Variants in TBC1D22A observed in about 807,000 individuals in gnomAD.
The protein encoded by TBC1D22A is TBC1 domain family member 22A, also known as putative GTPase activator.
In TBC1D22A, 38 loss-of-function variants were observed where a neutral mutation model predicts 60.2. That is an observed-to-expected ratio of 0.63 (90% CI 0.49 to 0.83). The LOEUF (loss-of-function observed/expected upper bound fraction) is 0.83, where lower values mean the gene tolerates loss of function less well. Ranked by LOEUF, TBC1D22A falls within the 40% of genes least tolerant of loss-of-function variation. TBC1D22A has a pLI of 0.00. For missense variants in TBC1D22A, 628 were observed against 701.0 expected (o/e 0.90, Z 1.18); for synonymous variants, 302 against 281.7 (o/e 1.07, Z -0.72).
At position 47,028,165 on chromosome 22, in the gene TBC1D22A, T is replaced by A. The variant is rs1189123027; in HGVS notation, c.1202-8906T>A. On this transcript the variant is annotated intron_variant, in intron 10 of 12. Transcript: ENST00000337137. The surrounding 1 kb of genome is among the most constrained non-coding windows in gnomAD (Gnocchi z 4.4). ...GCTCTAGAAGAAGTTGTATTTTAGA[T>A]TATGTTACTGTCAAAAAAATAGACC... Among the ~76,000 whole-genome samples the A allele has an allele frequency of 6.6e-6, 1 of 152,202 alleles. No homozygotes were observed. Among genetic ancestry groups the A allele is most frequent in the African/African-American group, 2.4e-5 (1 of 41,446 alleles).
chr22:46,907,325 T>G (rs773048816), intron 7 of TBC1D22A, among the ~76,000 whole-genome samples: 1 of 152,220 alleles, frequency 6.6e-6, no homozygotes, highest in Non-Finnish European at 1.5e-5. Context: ...CCTTCCTCTC[T>G]GTGCATTTTT....
At chr22:47,044,937 C>T (rs1165831093) in intron 11 of TBC1D22A, among the ~76,000 whole-genome samples, 12 of 152,218 alleles carry the variant, frequency 7.9e-5, no homozygotes, top group African/African-American at 2.2e-4. Flanking sequence ...GCAGGCCTGG[C>T]GTGCTCCAGC....
intron 11 of TBC1D22A, among the ~76,000 whole-genome samples, chr22:47,104,407 A>G (rs2065542380): frequency 1.3e-5 from 2 of 152,084 alleles, no homozygotes; most frequent in Non-Finnish European, 2.9e-5. Flanking sequence ...TAAAGATTCA[A>G]TAGATGGCCA....
At chr22:47,004,316 TACAC>T (rs920583556) in intron 10 of TBC1D22A, among the ~76,000 whole-genome samples, 1 of 146,840 alleles carries the variant, frequency 6.8e-6, no homozygotes, top group Non-Finnish European at 1.5e-5. Flanking sequence ...CAACCCCTCA[TACAC>T]ACACCCCTAT....
rs994861496 is a variant in TBC1D22A, at chr22:47,009,398, T to G, written c.1201+11689T>G. On this transcript the variant is annotated intron_variant, in intron 10 of 12. Transcript: ENST00000337137. The surrounding 1 kb of genome is among the most constrained non-coding windows in gnomAD (Gnocchi z 5.8). Reference sequence around the variant, plus strand: ...TCATTTCATCACCATCACCATCATTTCCATCATCACCATCATTGTGTCATC... The same window carrying G: ...TCATTTCATCACCATCACCATCATTGCCATCATCACCATCATTGTGTCATC... Among the ~76,000 whole-genome samples, 4 of 148,174 alleles carry G rather than the reference T, an allele frequency of 2.7e-5. No individual in the cohort carries two copies. The highest frequency in any genetic ancestry group is 1.0e-4 in the African/African-American group (4 of 39,876).
chr22:46,816,923 A>C (rs2085626460), intron 4 of TBC1D22A, among the ~76,000 whole-genome samples: 1 of 152,300 alleles, frequency 6.6e-6, no homozygotes, highest in Admixed American at 6.5e-5. Flanking sequence ...TTCCCTAATT[A>C]TCAGATCTTA....
intron 5 of TBC1D22A, among the ~76,000 whole-genome samples, chr22:46,884,367 G>T (rs931418586): frequency 1.3e-5 from 2 of 152,182 alleles, no homozygotes; most frequent in African/African-American, 4.8e-5. Flanking sequence ...TCATTCTGTG[G>T]AGAGGGCTTA....
At chr22:46,986,255 A>G (rs2074718334) in intron 9 of TBC1D22A, among the ~76,000 whole-genome samples, 2 of 152,222 alleles carry the variant, frequency 1.3e-5, no homozygotes, top group African/African-American at 2.4e-5. Flanking sequence ...TTGACGTACA[A>G]ATGGATCTTA....
chr22:46,849,216 C>G (rs900708369), intron 4 of TBC1D22A, among the ~76,000 whole-genome samples: 9 of 152,220 alleles, frequency 5.9e-5, no homozygotes, highest in Admixed American at 1.3e-4. Context: ...TGACCTGGCC[C>G]TGGCTGCTGG....
chr22:47,060,323 C>T (rs2063528306), intron 11 of TBC1D22A, among the ~76,000 whole-genome samples: 1 of 151,024 alleles, frequency 6.6e-6, no homozygotes, highest in Admixed American at 6.6e-5. Flanking sequence ...CTCACTGCAA[C>T]CTCTGCCTCC....
At chr22:47,118,387 G>A (rs2066145472) in intron 12 of TBC1D22A, among the ~76,000 whole-genome samples, 1 of 152,158 alleles carries the variant, frequency 6.6e-6, no homozygotes, top group South Asian at 2.1e-4. Flanking sequence ...CCAAGCATTT[G>A]GATGTTAAAG....
chr22:47,031,423 A>C (rs1025745401), intron 10 of TBC1D22A, among the ~76,000 whole-genome samples: 5 of 152,210 alleles, frequency 3.3e-5, no homozygotes, highest in Non-Finnish European at 5.9e-5. Context: ...TTAAGGAACC[A>C]ATGAAAGAGG....
chr22:46,910,670 A>C (rs2069849500), intron 7 of TBC1D22A, among the ~76,000 whole-genome samples: 1 of 151,952 alleles, frequency 6.6e-6, no homozygotes, highest in Non-Finnish European at 1.5e-5. Context: ...CACAGTAGGG[A>C]GTGGTTGGCT....
chr22:46,813,992 G>A (rs1441455333), intron 4 of TBC1D22A, among the ~76,000 whole-genome samples: 2 of 152,242 alleles, frequency 1.3e-5, no homozygotes, highest in African/African-American at 2.4e-5. Flanking sequence ...CCTTGGTGGC[G>A]ACCAGAAAGC....
chr22:46,986,098 A>G (rs2074713203), intron 9 of TBC1D22A, among the ~76,000 whole-genome samples: 2 of 152,246 alleles, frequency 1.3e-5, no homozygotes, highest in Non-Finnish European at 2.9e-5. Context: ...GGTGTAAGGA[A>G]GATGTCAGGC....
chr22:46,876,445 A>G (rs1288417643), intron 4 of TBC1D22A, among the ~76,000 whole-genome samples: 1 of 152,184 alleles, frequency 6.6e-6, no homozygotes, highest in East Asian at 1.9e-4. Flanking sequence ...ACATTTTTGA[A>G]TGTTCCTGTA....
intron 9 of TBC1D22A, among the ~76,000 whole-genome samples, chr22:46,994,379 G>A (rs957881565): frequency 2.6e-5 from 4 of 152,116 alleles, no homozygotes; most frequent in African/African-American, 7.2e-5. Flanking sequence ...CTTGAGAAGT[G>A]CAAGGGGCTG....
chr22:47,153,773 G>T (rs2067600402), intron 12 of TBC1D22A, among the ~76,000 whole-genome samples: 1 of 152,152 alleles, frequency 6.6e-6, no homozygotes, highest in Admixed American at 6.5e-5. Flanking sequence ...AAGAAACTGG[G>T]GACGATGTCT....
intron 4 of TBC1D22A, among the ~76,000 whole-genome samples, chr22:46,802,218 G>A (rs190258204): frequency 1.3e-5 from 2 of 152,308 alleles, no homozygotes; most frequent in East Asian, 1.9e-4. Context: ...GGGAGGAATC[G>A]GCGGCGAGGC....
Sources: gnomAD v4.1 joint callset for allele counts (sites outside exome capture counted in the v4.1 genomes callset) on GRCh38, gnomAD v4.1.1 for gene constraint, Gnocchi (gnomAD v3.1) non-coding constraint, MANE v1.5 for transcripts, NCBI Gene and HGNC (gene_info 2026-07-23, HGNC 2026-07-21) for gene names.